Variants in COL12A1 observed in about 807,000 individuals in gnomAD.
COL12A1 encodes the protein collagen alpha-1(XII) chain.
In COL12A1, 114 loss-of-function variants were observed where a neutral mutation model predicts 349.7. That is an observed-to-expected ratio of 0.33 (90% CI 0.28 to 0.38). The LOEUF is 0.38. Ranked by LOEUF, COL12A1 falls within the 10% of genes least tolerant of loss-of-function variation. The probability of loss-of-function intolerance (pLI) is 1.00; values close to 1 mark genes in which losing one functional copy is unlikely to be tolerated. For missense variants in COL12A1, 3,284 were observed against 3,756.9 expected, an observed-to-expected ratio of 0.87 and a Z score of 3.29; for synonymous variants, 1,369 against 1,329.0, an observed-to-expected ratio of 1.03 and a Z score of -0.66.
intron 39 of COL12A1, 107 bp downstream of exon 39, chr6:75,126,244 G>C: frequency 7.6e-7 from 1 of 1,318,424 alleles, no homozygotes; most frequent in Admixed American, 2.3e-5. Context: ...AACTTGGTGT[G>C]ATCTGAACTC....
intron 43 of COL12A1, among the ~76,000 whole-genome samples, chr6:75,122,623 T>A (rs990803323): frequency 2.8e-4 from 43 of 152,372 alleles, no homozygotes; most frequent in African/African-American, 9.6e-4. Context: ...AATACACTTT[T>A]AATTTTTAAT....
chr6:75,133,177 T>C (rs926341400), intron 34 of COL12A1, 116 bp downstream of exon 34: 1 of 969,256 alleles, frequency 1.0e-6, no homozygotes, highest in African/African-American at 1.7e-5. Context: ...CTAATTTTTA[T>C]GTTTTTAATT....
Position 75,090,356 on chromosome 6 carries a change from T to C in COL12A1, c.8753-58A>G, listed in dbSNP as rs750212879. 2.5e-5 allele frequency: 38 copies of C among 1,505,472 alleles called. No homozygotes were observed. Among genetic ancestry groups the C allele is most frequent in the African/African-American group, 4.2e-5 (3 of 72,078 alleles). The allele number at this position is 1,505,472 out of a possible 1,614,324, so 93.3% of individuals were successfully genotyped here. On this transcript the variant is annotated intron_variant, in intron 62 of 65. Coordinates refer to ENST00000322507, the MANE Select transcript of COL12A1 (RefSeq NM_004370.6). This position sits in a 1 kb window ranked among gnomAD's most constrained non-coding sequence, Gnocchi z 4.1. ...ACCCAATAAAGGACGGATGAGAGAG[T>C]GAAACTGTTTTCTCTTAGTGTCTAG...
rs910431488 is a variant in COL12A1, at chr6:75,119,136, T to C, written c.7261A>G (p.Met2421Val). Reference protein sequence around the residue: ...KEKVLTWESGMRKNVPKVLVV... With the variant: ...KEKVLTWESGVRKNVPKVLVV... ...AACACCTTAGGGACATTCTTCCTCA[T>C]GCCGCTCTCCCAAGTCAAGACTTTC... is the stretch of plus-strand genomic sequence containing the variant. Residue 2421 changes from methionine (M) to valine (V), a missense_variant, in exon 46 of 66, where the codon ATG (methionine) becomes GTG (valine). Met to Val is a conservative substitution (Grantham distance 21). Transcript: ENST00000322507. The C allele has an allele frequency of 5.6e-6, 9 of 1,613,986 alleles. No homozygotes were observed. Among genetic ancestry groups the C allele is most frequent in the Non-Finnish European group, 6.8e-6 (8 of 1,179,918 alleles).
Position 75,177,699 on chromosome 6 carries a change from C to T in COL12A1, c.2401G>A (p.Gly801Ser), listed in dbSNP as rs1406213089. The change falls in exon 12 of 66, where the codon GGT becomes AGT. Residue 801 changes from glycine to serine, a missense_variant. Gly to Ser is a moderately conservative substitution (Grantham distance 56). Coordinates refer to ENST00000322507, the MANE Select transcript of COL12A1 (RefSeq NM_004370.6). ...SVIPEYFSGP[G>S]TPLTGNAATE... Reference sequence around the variant, plus strand: ...GCTGCATTTCCAGTTAATGGAGTACCAGGTCCTGAGAAATATTCAGGAATT... The same window carrying T: ...GCTGCATTTCCAGTTAATGGAGTACTAGGTCCTGAGAAATATTCAGGAATT... 1 of 1,614,014 alleles carries T rather than the reference C, an allele frequency of 6.2e-7. No individual in the cohort carries two copies. Among genetic ancestry groups the T allele is most frequent in the Non-Finnish European group, 8.5e-7 (1 of 1,179,994 alleles).
Position 75,124,008 on chromosome 6 carries a change from T to C in COL12A1, c.6811A>G (p.Thr2271Ala). Residue 2271 changes from threonine (T) to alanine (A), a missense_variant, in exon 42 of 66, where the codon ACT becomes GCT. Thr to Ala is a moderately conservative substitution (Grantham distance 58, BLOSUM62 0). This residue lies in a region of COL12A1 where 2,601 missense variants were observed against 2,824.8 expected (regional missense o/e 0.92). Coordinates refer to ENST00000322507, the MANE Select transcript of COL12A1 (RefSeq NM_004370.6). ...AGATTTGGTGTCTGCACAAAAACAGTGACACCATAATCAGTGTCTGGTGAA... is the reference window on the plus strand; with the variant it reads ...AGATTTGGTGTCTGCACAAAAACAGCGACACCATAATCAGTGTCTGGTGAA... ...GLSPDTDYGV[T>A]VFVQTPNLEG... is the part of the protein sequence containing the mutation. 1 of 1,613,892 alleles carries C rather than the reference T, an allele frequency of 6.2e-7. No individual in the cohort carries two copies. Among genetic ancestry groups the C allele is most frequent in the Non-Finnish European group, 8.5e-7 (1 of 1,179,820 alleles).
Position 75,117,458 on chromosome 6 carries a change from G to A in COL12A1, c.7443C>T (p.Phe2481=). The part of the protein sequence containing the change: ...IASKPSERHV[F]IVDDFESFEK... ...CAAAAGATTCAAAGTCGTCCACAAT[G>A]AACACGTGCCGTTCACTTGGTTTGC... The change falls in exon 47 of 66, where the codon TTC becomes TTT. Residue 2481 remains phenylalanine, a synonymous_variant. Transcript: ENST00000322507. 1 of 1,613,754 alleles carries A rather than the reference G, an allele frequency of 6.2e-7. No individual in the cohort carries two copies. The highest frequency in any genetic ancestry group is 8.5e-7 in the Non-Finnish European group (1 of 1,179,732).
intron 14 of COL12A1, among the ~76,000 whole-genome samples, chr6:75,159,563 T>G (rs1767927131): frequency 6.6e-6 from 1 of 151,274 alleles, no homozygotes; most frequent in Non-Finnish European, 1.5e-5. Context: ...TTTGGATTAT[T>G]AGCATTACCA....
chr6:75,156,813 G>A (rs571876117), intron 14 of COL12A1, among the ~76,000 whole-genome samples: 59 of 152,228 alleles, frequency 3.9e-4, no homozygotes, highest in South Asian at 1.7e-3. Flanking sequence ...ATCCATTTCC[G>A]GAGATAAGGT....
At chr6:75,131,646 GT>G (rs1420291112) in intron 35 of COL12A1, among the ~76,000 whole-genome samples, 1 of 152,210 alleles carries the variant, frequency 6.6e-6, no homozygotes, top group Non-Finnish European at 1.5e-5. Flanking sequence ...GTAAGAACCA[GT>G]GAAGGTAAAC....
At chr6:75,098,208 C>T (rs910738126) in intron 58 of COL12A1, among the ~76,000 whole-genome samples, 1 of 152,192 alleles carries the variant, frequency 6.6e-6, no homozygotes, top group African/African-American at 2.4e-5. Flanking sequence ...TCATACCCTG[C>T]CATACATACA....
chr6:75,103,682 C>A (rs777944669), intron 55 of COL12A1, 75 bp downstream of exon 55: 2 of 1,262,440 alleles, frequency 1.6e-6, no homozygotes, highest in Admixed American at 3.5e-5. Flanking sequence ...GATCACATAC[C>A]CCCTTTGTGA....
chr6:75,157,859 A>G (rs762698557), intron 14 of COL12A1, among the ~76,000 whole-genome samples: 6 of 152,160 alleles, frequency 3.9e-5, no homozygotes, highest in Middle Eastern at 3.2e-3. Context: ...CCCCCTACCC[A>G]GAAGAGAAAA....
chr6:75,165,056 G>A (rs965321813), intron 14 of COL12A1, among the ~76,000 whole-genome samples: 1 of 152,012 alleles, frequency 6.6e-6, no homozygotes, highest in Non-Finnish European at 1.5e-5. Context: ...CACTATGCTG[G>A]CCACTTTGTA....
At chr6:75,150,783 T>C (rs977340456) in intron 21 of COL12A1, among the ~76,000 whole-genome samples, 6 of 152,056 alleles carry the variant, frequency 3.9e-5, no homozygotes, top group African/African-American at 1.4e-4. Context: ...CATTTATATA[T>C]ATGTTGTGTG....
intron 17 of COL12A1, among the ~76,000 whole-genome samples, chr6:75,152,901 T>C (rs186875412): frequency 3.9e-5 from 6 of 152,246 alleles, no homozygotes; most frequent in Admixed American, 2.6e-4. Context: ...AATCATTAGA[T>C]ATTGCATTCT....
At chr6:75,175,470 T>A (rs1275362825) in intron 12 of COL12A1, among the ~76,000 whole-genome samples, 160 bp from the exon 13 acceptor site, 1 of 152,232 alleles carries the variant, frequency 6.6e-6, no homozygotes, top group Non-Finnish European at 1.5e-5. Context: ...AGCTTAAGCA[T>A]CTCTGAATCA....
Position 75,189,299 on chromosome 6 carries a change from A to C in COL12A1, c.741T>G (p.Ile247Met), listed in dbSNP as rs371124522. The C allele has an allele frequency of 5.3e-5, 85 of 1,613,116 alleles. No individual in the cohort carries two copies. The highest frequency in any genetic ancestry group is 7.0e-5 in the Non-Finnish European group (83 of 1,179,492). ...CATCCTGGGATTTTCCATCCGTAAT[A>C]ATAATTGCCACTTTAGGAAAGCCAA... ...ARVGFPKVAI[I>M]ITDGKSQDEV... Residue 247 changes from isoleucine (I) to methionine (M), a missense_variant, in exon 7 of 66, where the codon ATT becomes ATG. Around this residue, in one of 2 missense-constraint regions of COL12A1, gnomAD observed 2,601 missense variants for 2,824.8 expected, o/e 0.92. Transcript: ENST00000322507.
intron 15 of COL12A1, 148 bp downstream of exon 15, chr6:75,156,109 T>C (rs1187258382): frequency 2.8e-6 from 3 of 1,057,878 alleles, no homozygotes; most frequent in Non-Finnish European, 4.0e-6. Context: ...TTGGTAAAAA[T>C]AACATGTTAT....
Sources: gnomAD v4.1 joint callset for allele counts (sites outside exome capture counted in the v4.1 genomes callset) on GRCh38, gnomAD v4.1.1 for gene constraint, gnomAD v4.1.1 regional missense constraint, Gnocchi (gnomAD v3.1) non-coding constraint, MANE v1.5 for transcripts, NCBI Gene and HGNC (gene_info 2026-07-23, HGNC 2026-07-21) for gene names.